ATAD1: variants seen among roughly 807,000 people sequenced by gnomAD.
The protein encoded by ATAD1 is outer mitochondrial transmembrane helix translocase.
Under a neutral mutation model 42.7 loss-of-function variants are expected in ATAD1, and 18 were observed. That is an observed-to-expected ratio of 0.42 (90% CI 0.29 to 0.63). The LOEUF is 0.63. Among genes scored for constraint, ATAD1 ranks in the 20% least tolerant of loss-of-function variants. The probability of loss-of-function intolerance (pLI) is 0.19; values close to 1 mark genes in which losing one functional copy is unlikely to be tolerated. For synonymous variants in ATAD1, 132 were observed against 143.1 expected (o/e 0.92, Z 0.55); for missense variants, 294 against 440.4 (o/e 0.67, Z 2.98).
At chr10:87,813,663 T>C (rs887978060) in intron 2 of ATAD1, among the ~76,000 whole-genome samples, 3 of 151,978 alleles carry the variant, frequency 2.0e-5, no homozygotes, top group African/African-American at 4.8e-5. Flanking sequence ...AAGTAGTTGA[T>C]AGGGACTCAA....
chr10:87,776,185 G>T, intron 6 of ATAD1, 136 bp downstream of exon 6: 1 of 633,964 alleles, frequency 1.6e-6, no homozygotes, highest in Non-Finnish European at 2.8e-6. Flanking sequence ...TATTCTTTTG[G>T]ATCCTTATCA....
intron 8 of ATAD1, among the ~76,000 whole-genome samples, chr10:87,765,204 G>A (rs1448381304): frequency 2.6e-5 from 4 of 151,894 alleles, no homozygotes; most frequent in Non-Finnish European, 5.9e-5. Context: ...AAGGAAGGAG[G>A]GAAGCCATAA....
intron 1 of ATAD1, among the ~76,000 whole-genome samples, chr10:87,840,303 G>A (rs1239840574): frequency 2.6e-5 from 4 of 152,156 alleles, no homozygotes; most frequent in Non-Finnish European, 4.4e-5. Flanking sequence ...GGGCAACATA[G>A]TGAGACCCTG....
intron 5 of ATAD1, among the ~76,000 whole-genome samples, chr10:87,781,596 C>T (rs1855561353): frequency 6.6e-6 from 1 of 151,992 alleles, no homozygotes; most frequent in Admixed American, 6.6e-5. Flanking sequence ...AAATACTGTA[C>T]AGAACTAAAT....
At chr10:87,774,288 T>G (rs925634768) in intron 6 of ATAD1, among the ~76,000 whole-genome samples, 1 of 152,242 alleles carries the variant, frequency 6.6e-6, no homozygotes, top group Non-Finnish European at 1.5e-5. Flanking sequence ...TGTACTTAAC[T>G]CAGGTTAATT....
At chr10:87,767,010 C>A (rs1854783828) in intron 8 of ATAD1, among the ~76,000 whole-genome samples, 1 of 151,890 alleles carries the variant, frequency 6.6e-6, no homozygotes, top group Non-Finnish European at 1.5e-5. Flanking sequence ...ATTTTCAGCA[C>A]CACAGGAAAG....
intron 1 of ATAD1, among the ~76,000 whole-genome samples, chr10:87,815,343 G>C (rs945082048): frequency 6.6e-6 from 1 of 151,962 alleles, no homozygotes; most frequent in Non-Finnish European, 1.5e-5. Flanking sequence ...ATCAATCAAA[G>C]CTAGGCTTAC....
At chr10:87,818,142 G>A in intron 1 of ATAD1, 25 bp downstream of exon 1, 7 of 985,620 alleles carry the variant, frequency 7.1e-6, no homozygotes, top group Non-Finnish European at 8.4e-6. Flanking sequence ...CATCCCATGA[G>A]GCCCCACGGG....
intron 2 of ATAD1, among the ~76,000 whole-genome samples, chr10:87,809,641 TTTTATTTATTTA>T (rs144658707): frequency 0.3 from 45,195 of 150,204 alleles, 7,023 homozygotes; most frequent in African/African-American, 0.32. Context: ...TATTTATTAA[TTTTATTTATTTA>T]TTTATTTATT....
intron 1 of ATAD1, among the ~76,000 whole-genome samples, chr10:87,831,143 G>T (rs1857821340): frequency 6.6e-6 from 1 of 152,166 alleles, no homozygotes; most frequent in South Asian, 2.1e-4. Context: ...GGAGAGGATT[G>T]GAGATAAGCT....
intron 1 of ATAD1, among the ~76,000 whole-genome samples, chr10:87,835,596 G>A (rs143216046): frequency 9.2e-5 from 14 of 152,048 alleles, no homozygotes; most frequent in South Asian, 2.1e-4. Context: ...ATGTTTTTGC[G>A]TACATTTTAC....
At chr10:87,790,180 G>C in intron 4 of ATAD1, 130 bp downstream of exon 4, 1 of 1,024,640 alleles carries the variant, frequency 9.8e-7, no homozygotes, top group South Asian at 1.8e-5. Context: ...ATTATTTTAA[G>C]AAACTGTTCA....
At position 87,824,720 on chromosome 10, in the gene ATAD1, C is replaced by T. The variant is rs116528166; in HGVS notation, c.-13-10108G>A. Among the ~76,000 whole-genome samples the T allele has an allele frequency of 2.6e-3, 402 of 152,200 alleles. 2 individuals carry two copies. Among genetic ancestry groups the T allele is most frequent in the African/African-American group, 9.2e-3 (384 of 41,526 alleles). ...CTCTGTGTTTGCATGAGGACCTTAC[C>T]TCTTCAGTTTTCAACCATGGCATCT... On this transcript the variant is annotated intron_variant, in intron 1 of 4. Coordinates refer to the ATAD1 transcript ENST00000495903.
chr10:87,752,096 T>C lies in ATAD1; in HGVS notation c.*2591A>G, dbSNP rs574236539. The C allele has an allele frequency of 6.6e-6, 1 of 152,202 alleles. No individual in the cohort carries two copies. Among genetic ancestry groups the C allele is most frequent in the East Asian group, 1.9e-4 (1 of 5,178 alleles). 9.4% of individuals were successfully genotyped at this position (152,202 alleles called of 1,614,324 possible). On this transcript the variant is annotated 3_prime_UTR_variant, in exon 10 of 10. Transcript: ENST00000680024. ...AACCCAGCTCTTAATGAATGCTGGG[T>C]TTACCTGCAGGTAGGGGGTTGGCTG...
chr10:87,793,329 ATAACTC>A lies in ATAD1; in HGVS notation c.163-580_163-575del, dbSNP rs966779620. On this transcript the variant is annotated intron_variant, in intron 2 of 9. Coordinates refer to ENST00000680024, the MANE Select transcript of ATAD1 (RefSeq NM_001321967.2). ...CTAGGCAACCAGAGTTATAATAAAA[ATAACTC>A]TAACAACCAGCATTAAACCTATGAG... 1.9e-4 allele frequency among the ~76,000 whole-genome samples: 29 copies of A among 152,358 alleles called. No homozygotes were observed. The Middle Eastern group carries it at 0.017, about 89-fold the overall frequency.
chr10:87,770,969 A>G lies in ATAD1; in HGVS notation c.763T>C (p.Phe255Leu). 6.2e-7 allele frequency: 1 copy of G among 1,613,486 alleles called. No homozygotes were observed. Among genetic ancestry groups the G allele is most frequent in the Non-Finnish European group, 8.5e-7 (1 of 1,179,618 alleles). Residue 255 changes from phenylalanine to leucine, a missense_variant, in exon 7 of 10, where the codon TTT (phenylalanine) becomes CTT (leucine). Physicochemically the swap from Phe to Leu is conservative, Grantham distance 22 (BLOSUM62 0). Coordinates refer to ENST00000680024, the MANE Select transcript of ATAD1 (RefSeq NM_001321967.2). ...CCACCTACAGGCTGGTTGATATGAA[A>G]TCTTGTAGGCATTCTTCTCATTATA... Reference protein sequence around the residue: ...SAIMRRMPTRFHINQPALKQR... With the variant: ...SAIMRRMPTRLHINQPALKQR...
chr10:87,840,786 G>A (rs1858017834), intron 1 of ATAD1, among the ~76,000 whole-genome samples: 1 of 152,120 alleles, frequency 6.6e-6, no homozygotes, highest in South Asian at 2.1e-4. Flanking sequence ...ATACCAAAGT[G>A]TAGAAAGAAC....
chr10:87,781,854 A>C lies in ATAD1; in HGVS notation c.583+2616T>G, dbSNP rs188187481. 3.2e-3 allele frequency among the ~76,000 whole-genome samples: 484 copies of C among 152,066 alleles called. 3 individuals are homozygous for C. The highest frequency in any genetic ancestry group is 0.011 in the African/African-American group (460 of 41,480). ...AGATATGGGGTCTTACATGTTGTCC[A>C]GGCTGGTCTCAAATTATTGGACTCA... On this transcript the variant is annotated intron_variant, in intron 5 of 9. Coordinates refer to ENST00000680024, the MANE Select transcript of ATAD1 (RefSeq NM_001321967.2).
chr10:87,806,847 C>T (rs528866410), intron 2 of ATAD1, among the ~76,000 whole-genome samples: 20 of 152,208 alleles, frequency 1.3e-4, no homozygotes, highest in South Asian at 4.2e-4. Flanking sequence ...CGAGGAAGGA[C>T]GAAAGTTAAT....
Sources: gnomAD v4.1 joint callset for allele counts (sites outside exome capture counted in the v4.1 genomes callset) on GRCh38, gnomAD v4.1.1 for gene constraint, MANE v1.5 for transcripts, NCBI Gene and HGNC (gene_info 2026-07-23, HGNC 2026-07-21) for gene names.